CALN1: variants seen among roughly 807,000 people sequenced by gnomAD.
CALN1 encodes calcium-binding protein 8.
CALN1 carries 17 observed loss-of-function variants against 30.6 expected under a neutral mutation model. The ratio of observed to expected loss-of-function variants is 0.56; its 90% CI spans 0.38 to 0.83. CALN1 has a LOEUF of 0.83. Ranked by LOEUF, CALN1 falls within the 40% of genes least tolerant of loss-of-function variation. CALN1 has a pLI of 0.00. For synonymous variants in CALN1, 156 were observed against 131.4 expected (o/e 1.19, Z -1.28); for missense variants, 291 against 354.9 (o/e 0.82, Z 1.45).
intron 3 of CALN1, among the ~76,000 whole-genome samples, chr7:72,264,468 C>T (rs1398820513): frequency 2.0e-5 from 3 of 151,808 alleles, no homozygotes; most frequent in Non-Finnish European, 2.9e-5. Context: ...TCTGCTACAA[C>T]ACTTCCTGCT....
rs1389145814 is a variant in CALN1 at position 72,006,055 on chromosome 7, T to C, written c.501+17602A>G. ...GGAAAATGTTACCATTAGGAGAAAA[T>C]TGGGTGGAGTGTACATGGGATCTTT... On this transcript the variant is annotated intron_variant, in intron 5 of 6. Transcript: ENST00000395275. 4.6e-5 allele frequency among the ~76,000 whole-genome samples: 7 copies of C among 152,246 alleles called. 1 individual carries two copies. Among genetic ancestry groups the C allele is most frequent in the East Asian group, 1.9e-4 (1 of 5,164 alleles).
chr7:72,407,299 T>C (rs568873530), intron 1 of CALN1, among the ~76,000 whole-genome samples: 1 of 152,314 alleles, frequency 6.6e-6, no homozygotes, highest in South Asian at 2.1e-4. Flanking sequence ...TATTGTAAAG[T>C]GTTAGGCACA....
chr7:72,262,636 A>G (rs1194223974), intron 3 of CALN1, among the ~76,000 whole-genome samples: 3 of 152,208 alleles, frequency 2.0e-5, no homozygotes, highest in Non-Finnish European at 4.4e-5. Flanking sequence ...TAATTCACTT[A>G]GGATAATGGC....
chr7:71,967,012 A>T (rs778291717), intron 5 of CALN1, among the ~76,000 whole-genome samples: 1 of 152,208 alleles, frequency 6.6e-6, no homozygotes, highest in Admixed American at 6.5e-5. Context: ...CCATGATGTC[A>T]TTGGTTTTTA....
At chr7:72,191,208 T>C (rs1481344946) in intron 3 of CALN1, among the ~76,000 whole-genome samples, 1 of 152,146 alleles carries the variant, frequency 6.6e-6, no homozygotes. Context: ...CCTAGAGGAA[T>C]TGGCAACTTC....
chr7:72,069,446 A>G (rs190197849), intron 4 of CALN1, among the ~76,000 whole-genome samples: 1 of 152,282 alleles, frequency 6.6e-6, no homozygotes, highest in African/African-American at 2.4e-5. Flanking sequence ...GGCCAAATCT[A>G]AAGCACTCCC....
rs1232790929 is a variant in CALN1, at chr7:71,779,588, A to G, written c.*8187T>C. ...ATATATTTACAGACAAGTTCGGTTAAAGAAAACATCTGGTAAATATGGCAG... is the reference window on the plus strand; with the variant it reads ...ATATATTTACAGACAAGTTCGGTTAGAGAAAACATCTGGTAAATATGGCAG... On this transcript the variant is annotated 3_prime_UTR_variant, in exon 7 of 7. Transcript: ENST00000395275. 2.0e-5 allele frequency: 3 copies of G among 152,262 alleles called. No homozygotes were observed. The highest frequency in any genetic ancestry group is 4.4e-5 in the Non-Finnish European group (3 of 68,050). 9.4% of individuals were successfully genotyped at this position (152,262 alleles called of 1,614,324 possible).
At chr7:72,071,612 T>C (rs1804401028) in intron 4 of CALN1, among the ~76,000 whole-genome samples, 2 of 152,134 alleles carry the variant, frequency 1.3e-5, no homozygotes, top group South Asian at 2.1e-4. Context: ...CTATGACAAT[T>C]AAAAAACAAA....
intron 2 of CALN1, among the ~76,000 whole-genome samples, chr7:72,363,539 TA>T (rs1803691514): frequency 6.6e-6 from 1 of 151,478 alleles, no homozygotes. Context: ...GCACCTGGCC[TA>T]ATTTTAAAAA....
At chr7:71,789,779 C>T (rs998169381) in intron 6 of CALN1, among the ~76,000 whole-genome samples, 6 of 151,908 alleles carry the variant, frequency 3.9e-5, no homozygotes, top group East Asian at 1.9e-4. Flanking sequence ...CATGAATTAG[C>T]GGATATTAAT....
At chr7:72,251,934 T>G (rs757312805) in intron 3 of CALN1, among the ~76,000 whole-genome samples, 5 of 152,200 alleles carry the variant, frequency 3.3e-5, no homozygotes, top group Non-Finnish European at 7.3e-5. Context: ...ATAGGAAGTT[T>G]AATTTTAAAA....
intron 2 of CALN1, among the ~76,000 whole-genome samples, chr7:72,384,965 CAA>C (rs1358191122): frequency 6.6e-6 from 1 of 151,822 alleles, no homozygotes; most frequent in Admixed American, 6.6e-5. Flanking sequence ...ATGAAAAAAA[CAA>C]AGAATCTCAT....
intron 3 of CALN1, among the ~76,000 whole-genome samples, chr7:72,155,881 C>A (rs1280674777): frequency 6.6e-6 from 1 of 152,108 alleles, no homozygotes; most frequent in Non-Finnish European, 1.5e-5. Flanking sequence ...CTCCCAGACA[C>A]CAACCATGGC....
intron 4 of CALN1, among the ~76,000 whole-genome samples, chr7:72,025,525 T>A (rs553429578): frequency 6.6e-6 from 1 of 152,166 alleles, no homozygotes; most frequent in Non-Finnish European, 1.5e-5. Context: ...TTTGTTCAAT[T>A]CAGCATCTGC....
chr7:72,405,717 CAA>C (rs10599244), intron 1 of CALN1, among the ~76,000 whole-genome samples: 18,437 of 145,028 alleles, frequency 0.13, 1,408 homozygotes, highest in East Asian at 0.28. Context: ...AGTAGAAACG[CAA>C]AAAAAAAAAA....
intron 3 of CALN1, among the ~76,000 whole-genome samples, chr7:72,215,868 G>A (rs1303826095): frequency 2.0e-5 from 3 of 152,084 alleles, no homozygotes; most frequent in Non-Finnish European, 4.4e-5. Flanking sequence ...CATGGGACTT[G>A]GTCCCGGCCA....
chr7:72,283,812 T>C (rs549541929), intron 2 of CALN1, among the ~76,000 whole-genome samples: 4 of 152,240 alleles, frequency 2.6e-5, no homozygotes, highest in African/African-American at 9.6e-5. Context: ...CAGTGCTGAA[T>C]GGTGTCAGTA....
chr7:72,310,920 A>AT (rs1456678331), intron 2 of CALN1, among the ~76,000 whole-genome samples: 1 of 151,204 alleles, frequency 6.6e-6, no homozygotes, highest in African/African-American at 2.4e-5. Flanking sequence ...AAAAAAAAAA[A>AT]AAAAAAAACA....
At chr7:71,985,516 A>G (rs1471955735) in intron 5 of CALN1, among the ~76,000 whole-genome samples, 1 of 152,018 alleles carries the variant, frequency 6.6e-6, no homozygotes, top group Non-Finnish European at 1.5e-5. Flanking sequence ...ACCAATTCTT[A>G]ATGGAACTAA....
Sources: gnomAD v4.1 joint callset for allele counts (sites outside exome capture counted in the v4.1 genomes callset) on GRCh38, gnomAD v4.1.1 for gene constraint, MANE v1.5 for transcripts, NCBI Gene and HGNC (gene_info 2026-07-23, HGNC 2026-07-21) for gene names.